ALDH1L1: variants seen among roughly 807,000 people sequenced by gnomAD.
The protein encoded by ALDH1L1 is cytosolic 10-formyltetrahydrofolate dehydrogenase.
ALDH1L1 carries 68 observed loss-of-function variants against 101.1 expected under a neutral mutation model. That is an observed-to-expected ratio of 0.67 (90% CI 0.55 to 0.82). The LOEUF is 0.82. ALDH1L1 is among the 40% of genes least tolerant of loss of function. The pLI, the probability that ALDH1L1 is intolerant of heterozygous loss-of-function variation, is 0.00. For missense variants in ALDH1L1, 1,087 were observed against 1,172.7 expected (o/e 0.93, Z 1.07); for synonymous variants, 486 against 470.8 (o/e 1.03, Z -0.42).
At chr3:126,174,089 A>C (rs2081331472) in intron 1 of ALDH1L1, among the ~76,000 whole-genome samples, 1 of 152,152 alleles carries the variant, frequency 6.6e-6, no homozygotes, top group Non-Finnish European at 1.5e-5. Context: ...CCCAGGCTGG[A>C]GTGCAGTGGC....
At chr3:126,148,065 C>G (rs72967744) in intron 8 of ALDH1L1, among the ~76,000 whole-genome samples, 4 of 152,156 alleles carry the variant, frequency 2.6e-5, no homozygotes, top group South Asian at 2.1e-4. Context: ...TCAGACCACA[C>G]CGCTTGGGGC....
At chr3:126,174,200 G>A (rs1293020122) in intron 1 of ALDH1L1, among the ~76,000 whole-genome samples, 2 of 151,986 alleles carry the variant, frequency 1.3e-5, no homozygotes, top group African/African-American at 4.8e-5. Flanking sequence ...CACCACGTCC[G>A]GCTAATTTTG....
At chr3:126,121,267 C>T (rs1481918250) in intron 16 of ALDH1L1, among the ~76,000 whole-genome samples, 2 of 152,194 alleles carry the variant, frequency 1.3e-5, no homozygotes, top group Non-Finnish European at 2.9e-5. Flanking sequence ...CAGAGCTGCG[C>T]GGCGCTGCCT....
At chr3:126,107,482 C>T (rs182372773) in intron 20 of ALDH1L1, among the ~76,000 whole-genome samples, 12 of 152,322 alleles carry the variant, frequency 7.9e-5, no homozygotes, top group East Asian at 1.9e-4. Context: ...GAAATGGGGC[C>T]GCCGGTTGGC....
chr3:126,176,109 G>C (rs754492910), intron 1 of ALDH1L1, among the ~76,000 whole-genome samples: 3 of 152,056 alleles, frequency 2.0e-5, no homozygotes, highest in Non-Finnish European at 2.9e-5. Context: ...ACCAAAAAGT[G>C]AATTATTTAT....
Position 126,112,805 on chromosome 3 carries a change from GA to G in ALDH1L1, c.2157del (p.His720MetfsTer9). On this transcript the variant is annotated frameshift_variant, in exon 19 of 23. Transcript: ENST00000393434. LOFTEE classifies it high-confidence loss of function. ...ACCACTCTCCGCACGAACTCATCATGAATGGAGTCCTCCACAAAGAGTCGGC... is the reference window on the plus strand; with the variant it reads ...ACCACTCTCCGCACGAACTCATCATGATGGAGTCCTCCACAAAGAGTCGGC... The part of the protein sequence containing the change: ...AAGRLFVEDS[I>X]HDEFVRRVVE... 1 of 1,613,536 alleles carries G rather than the reference GA, an allele frequency of 6.2e-7. No homozygotes were observed. Among genetic ancestry groups the G allele is most frequent in the Non-Finnish European group, 8.5e-7 (1 of 1,180,018 alleles).
At chr3:126,124,628 G>A (rs1045817650) in intron 15 of ALDH1L1, among the ~76,000 whole-genome samples, 177 bp from the exon 16 acceptor site, 4 of 152,148 alleles carry the variant, frequency 2.6e-5, no homozygotes, top group African/African-American at 4.8e-5. Flanking sequence ...CTGCCCAGCC[G>A]GTGCGCCCAC....
At chr3:126,152,561 C>CCTCACTCA (rs2080825767) in intron 7 of ALDH1L1, 3 of 152,514 alleles carry the variant, frequency 2.0e-5, no homozygotes, top group African/African-American at 7.2e-5. Context: ...TACTGCCACG[C>CCTCACTCA]CTCACTCTGG....
chr3:126,176,248 T>G (rs1446991483), intron 1 of ALDH1L1, among the ~76,000 whole-genome samples: 1 of 152,130 alleles, frequency 6.6e-6, no homozygotes, highest in African/African-American at 2.4e-5. Context: ...TGTCCAGATG[T>G]CAGTTCTTTC....
At position 126,137,800 on chromosome 3, in the gene ALDH1L1, GC is replaced by G. The variant is rs2080479971; in HGVS notation, c.1224+12del. 1 of 1,611,918 alleles carries G rather than the reference GC, an allele frequency of 6.2e-7. No homozygotes were observed. The highest frequency in any genetic ancestry group is 1.7e-5 in the Admixed American group (1 of 59,862). On this transcript the variant is annotated intron_variant, in intron 10 of 22. Coordinates refer to ENST00000393434, the MANE Select transcript of ALDH1L1 (RefSeq NM_012190.4). Reference sequence around the variant, plus strand: ...CTCTGCAGGGCCTGCTGCAGGGAGGGCCCAGCACTCACGTAGTCAATGCTGC... The same window carrying G: ...CTCTGCAGGGCCTGCTGCAGGGAGGGCCAGCACTCACGTAGTCAATGCTGC...
chr3:126,164,305 C>G (rs2081120754), intron 1 of ALDH1L1, among the ~76,000 whole-genome samples: 1 of 152,154 alleles, frequency 6.6e-6, no homozygotes, highest in Admixed American at 6.5e-5. Context: ...GGTGCAGGTG[C>G]AGGTTTGATA....
At chr3:126,117,451 T>C (rs1464485151) in intron 17 of ALDH1L1, among the ~76,000 whole-genome samples, 1 of 151,630 alleles carries the variant, frequency 6.6e-6, no homozygotes, top group Non-Finnish European at 1.5e-5. Flanking sequence ...GCCCAGGAGT[T>C]TGAGACCAGT....
chr3:126,103,811 T>A lies in ALDH1L1; in HGVS notation c.2689A>T (p.Thr897Ser). 6.2e-7 allele frequency: 1 copy of A among 1,613,736 alleles called. No individual in the cohort carries two copies. The highest frequency in any genetic ancestry group is 8.5e-7 in the Non-Finnish European group (1 of 1,179,846). Reference sequence around the variant, plus strand: ...TTTCTTCAGTATTCGAAGGTCACTGTCTTGACCCGCAGGTACTCGTTCAGA... The same window carrying A: ...TTTCTTCAGTATTCGAAGGTCACTGACTTGACCCGCAGGTACTCGTTCAGA... Reference protein sequence around the residue: ...AALNEYLRVKTVTFEY With the variant: ...AALNEYLRVKSVTFEY Residue 897 changes from threonine (T) to serine (S), a missense_variant, in exon 23 of 23, where the codon ACA becomes TCA. Physicochemically the swap from Thr to Ser is moderately conservative, Grantham distance 58. This residue lies in a region of ALDH1L1 where 442 missense variants were observed against 535.7 expected (regional missense o/e 0.83). Coordinates refer to ENST00000393434, the MANE Select transcript of ALDH1L1 (RefSeq NM_012190.4).
At chr3:126,186,954 G>A (rs377036696) in intron 1 of ALDH1L1, among the ~76,000 whole-genome samples, 13 of 152,330 alleles carry the variant, frequency 8.5e-5, no homozygotes, top group Non-Finnish European at 2.9e-5. Flanking sequence ...GAAACTGCAC[G>A]GACGCTGGGA....
chr3:126,109,821 C>T (rs747738867), intron 20 of ALDH1L1, 123 bp downstream of exon 20: 66 of 1,395,466 alleles, frequency 4.7e-5, no homozygotes, highest in Non-Finnish European at 6.2e-5. Context: ...CCAGATGGGG[C>T]TGCAGCCTGA....
rs138934574 is a variant in ALDH1L1 at position 126,165,092 on chromosome 3, C to A, written c.-23-4090G>T. On this transcript the variant is annotated intron_variant, in intron 1 of 22. Coordinates refer to ENST00000393434, the MANE Select transcript of ALDH1L1 (RefSeq NM_012190.4). ...GGGAAGTGTCTGTTCATGTCCTTTG[C>A]CCATTTTTTAATGGGGTTATTTGTT... 6.5e-3 allele frequency among the ~76,000 whole-genome samples: 989 copies of A among 152,090 alleles called. 16 individuals carry two copies. Among genetic ancestry groups the A allele is most frequent in the African/African-American group, 0.023 (941 of 41,468 alleles).
At chr3:126,154,338 T>C (rs921171855) in intron 6 of ALDH1L1, among the ~76,000 whole-genome samples, 3 of 152,188 alleles carry the variant, frequency 2.0e-5, no homozygotes, top group Non-Finnish European at 4.4e-5. Flanking sequence ...CCTGGAGGCC[T>C]CCAGCTACGC....
At chr3:126,194,455 T>C (rs2081570559) in intron 1 of ALDH1L1, among the ~76,000 whole-genome samples, 1 of 152,210 alleles carries the variant, frequency 6.6e-6, no homozygotes. Flanking sequence ...GTTAAAGGTT[T>C]AAAACACTTG....
intron 12 of ALDH1L1, among the ~76,000 whole-genome samples, chr3:126,134,514 G>T (rs1399433296): frequency 2.0e-5 from 3 of 152,186 alleles, no homozygotes; most frequent in Admixed American, 2.0e-4. Context: ...AGAATTGAGG[G>T]GCTTGCGAAG....
Sources: gnomAD v4.1 joint callset for allele counts (sites outside exome capture counted in the v4.1 genomes callset) on GRCh38, gnomAD v4.1.1 for gene constraint, gnomAD v4.1.1 regional missense constraint, MANE v1.5 for transcripts, NCBI Gene and HGNC (gene_info 2026-07-23, HGNC 2026-07-21) for gene names.